Variants in NBEAL1 observed in about 807,000 individuals in gnomAD.
NBEAL1 encodes neurobeachin like 1, also known as neurobeachin-like protein 1.
NBEAL1 carries 273 observed loss-of-function variants against 351.3 expected under a neutral mutation model. The observed-to-expected ratio is 0.78, with a 90% CI of 0.70 to 0.86. The LOEUF (loss-of-function observed/expected upper bound fraction) is 0.86, where lower values mean the gene tolerates loss of function less well. Ranked by LOEUF, NBEAL1 falls within the 40% of genes least tolerant of loss-of-function variation. NBEAL1 has a pLI of 0.00. For synonymous variants in NBEAL1, 1,050 were observed against 1,086.4 expected, an observed-to-expected ratio of 0.97 and a Z score of 0.66; for missense variants, 2,961 against 3,201.3, an observed-to-expected ratio of 0.92 and a Z score of 1.81.
rs574555729 is a variant in NBEAL1, at chr2:203,168,664, G to A, written c.5998-1083G>A. ...TAGTCCTAGCACTTTGGGAGGCCAA[G>A]GTGGCTGGATCACGAGGTCAAGAGT... On this transcript the variant is annotated intron_variant, in intron 38 of 55. Transcript: ENST00000683969. Among the ~76,000 whole-genome samples the A allele has an allele frequency of 8.5e-5, 13 of 152,198 alleles. 1 individual carries two copies. In the South Asian group the frequency reaches 2.7e-3, roughly 32 times the overall value.
chr2:203,016,072 AAGATACATCTTT>A (rs1295999207), intron 1 of NBEAL1, 72 bp from the exon 2 acceptor site: 1 of 214,710 alleles, frequency 4.7e-6, no homozygotes, highest in Non-Finnish European at 9.1e-6. Flanking sequence ...GGAAGTGAAG[AAGATACATCTTT>A]AGTTTTTGAT....
chr2:203,131,427 G>T (rs2063069800), intron 25 of NBEAL1, among the ~76,000 whole-genome samples: 1 of 152,114 alleles, frequency 6.6e-6, no homozygotes, highest in African/African-American at 2.4e-5. Context: ...TGTTGGCCAG[G>T]CTGGTCTCGA....
At chr2:203,034,889 T>C (rs996715067) in intron 2 of NBEAL1, among the ~76,000 whole-genome samples, 2 of 149,268 alleles carry the variant, frequency 1.3e-5, no homozygotes, top group Non-Finnish European at 3.0e-5. Context: ...TATTAGAAAA[T>C]ATAAATATAA....
intron 42 of NBEAL1, among the ~76,000 whole-genome samples, chr2:203,178,010 C>T (rs1188821691): frequency 1.5e-5 from 2 of 133,212 alleles, no homozygotes; most frequent in Non-Finnish European, 3.3e-5. Context: ...CAGAGCAATA[C>T]TCCATCTCAA....
chr2:203,065,150 G>T (rs1366466504), intron 6 of NBEAL1, among the ~76,000 whole-genome samples: 1 of 151,986 alleles, frequency 6.6e-6, no homozygotes, highest in Admixed American at 6.6e-5. Flanking sequence ...TCCTAGCTTT[G>T]CAGGAGGCTG....
intron 31 of NBEAL1, among the ~76,000 whole-genome samples, chr2:203,141,299 A>T: frequency 7.0e-6 from 1 of 143,084 alleles, no homozygotes; most frequent in Non-Finnish European, 1.5e-5. Context: ...ATTCCATAAT[A>T]GGGGCTTTAT....
chr2:203,115,671 C>T (rs766337887), intron 17 of NBEAL1, among the ~76,000 whole-genome samples: 2 of 152,100 alleles, frequency 1.3e-5, no homozygotes, highest in African/African-American at 4.8e-5. Flanking sequence ...CTCAAGTGAT[C>T]CACCTGCTTC....
Position 203,136,745 on chromosome 2 carries a change from A to G in NBEAL1, c.4536A>G (p.Leu1512=). 1 of 1,612,846 alleles carries G rather than the reference A, an allele frequency of 6.2e-7. No individual in the cohort carries two copies. Among genetic ancestry groups the G allele is most frequent in the Non-Finnish European group, 8.5e-7 (1 of 1,179,632 alleles). ...GTAAACCAGGAATATCCAGTGAACT[A>G]CTTCGACCATCAGATGAAATAAAAC... ...ALSKPGISSE[L]LRPSDEIKLT... The change falls in exon 29 of 56, where the codon CTA becomes CTG. Residue 1512 remains leucine (L), a synonymous_variant. Transcript: ENST00000683969.
Position 203,211,014 on chromosome 2 carries a change from C to G in NBEAL1, c.7842C>G (p.Ile2614Met), listed in dbSNP as rs749376383. The change falls in exon 54 of 56, where the codon ATC becomes ATG. Residue 2614 changes from isoleucine to methionine, a missense_variant. Coordinates refer to ENST00000683969, the MANE Select transcript of NBEAL1 (RefSeq NM_001378026.1). The stretch of plus-strand genomic sequence containing the variant: ...ATGGCAAGTATCTAGGGTCTCAAAT[C>G]CTGAAGGAACAAGTATCAGATATAT... ...SINGKYLGSQ[I>M]LKEQVSDICI... The G allele has an allele frequency of 6.2e-7, 1 of 1,605,002 alleles. No individual in the cohort carries two copies. The highest frequency in any genetic ancestry group is 8.5e-7 in the Non-Finnish European group (1 of 1,174,128).
At chr2:203,129,271 T>TA (rs989203532) in intron 24 of NBEAL1, among the ~76,000 whole-genome samples, 18 of 151,890 alleles carry the variant, frequency 1.2e-4, no homozygotes, top group Admixed American at 5.3e-4. Flanking sequence ...ACCCAAATGT[T>TA]AAAAAAAAGC....
chr2:203,184,220 C>T (rs1559046155), intron 44 of NBEAL1, among the ~76,000 whole-genome samples: 1 of 151,622 alleles, frequency 6.6e-6, no homozygotes, highest in Non-Finnish European at 1.5e-5. Context: ...CACCTGAGGT[C>T]AGGAATTTGC....
chr2:203,033,340 T>C (rs772680175), intron 2 of NBEAL1, among the ~76,000 whole-genome samples: 83 of 152,220 alleles, frequency 5.5e-4, no homozygotes, highest in Non-Finnish European at 9.4e-4. Context: ...AAATTTATTG[T>C]ATGTATTTTC....
chr2:203,166,755 A>C (rs1325481941), intron 37 of NBEAL1, among the ~76,000 whole-genome samples: 1 of 150,948 alleles, frequency 6.6e-6, no homozygotes, highest in Non-Finnish European at 1.5e-5. Context: ...GGGTTTCTTC[A>C]TGTTGGTCAG....
At chr2:203,018,289 T>G (rs557147648) in intron 2 of NBEAL1, among the ~76,000 whole-genome samples, 1 of 152,032 alleles carries the variant, frequency 6.6e-6, no homozygotes, top group East Asian at 1.9e-4. Context: ...TTTTCACACT[T>G]TTAATGAGCT....
chr2:203,125,201 A>G (rs2062911444), intron 19 of NBEAL1, 151 bp from the exon 20 acceptor site: 1 of 489,824 alleles, frequency 2.0e-6, no homozygotes, highest in Non-Finnish European at 3.4e-6. Flanking sequence ...CCTGTAAAGC[A>G]TCTTCCTACA....
rs187553576 is a variant in NBEAL1, at chr2:203,148,687, T to C, written c.5305-304T>C. ...ATTTTACTTGACAGTAAGTAGGAGG[T>C]TAATTATCTTGAGTTTAAAAGTTCT... On this transcript the variant is annotated intron_variant, in intron 33 of 55. Transcript: ENST00000683969. Among the ~76,000 whole-genome samples, 8 of 152,042 alleles carry C rather than the reference T, an allele frequency of 5.3e-5. No homozygotes were observed. In the East Asian group the frequency reaches 1.4e-3, roughly 26 times the overall value.
intron 10 of NBEAL1, among the ~76,000 whole-genome samples, chr2:203,092,699 C>T (rs1247797449): frequency 6.6e-6 from 1 of 152,160 alleles, no homozygotes; most frequent in African/African-American, 2.4e-5. Flanking sequence ...GTATTCTTTT[C>T]ATTGATTTCC....
intron 44 of NBEAL1, among the ~76,000 whole-genome samples, chr2:203,185,348 A>G (rs2064863344): frequency 6.6e-6 from 1 of 152,214 alleles, no homozygotes. Flanking sequence ...TTACTGAGTA[A>G]CAAACTGTTC....
At chr2:203,137,222 T>A (rs1200644707) in intron 29 of NBEAL1, among the ~76,000 whole-genome samples, 2 of 152,210 alleles carry the variant, frequency 1.3e-5, no homozygotes, top group African/African-American at 4.8e-5. Flanking sequence ...CCAGGATGGC[T>A]TTGAATGTGG....
Sources: gnomAD v4.1 joint callset for allele counts (sites outside exome capture counted in the v4.1 genomes callset) on GRCh38, gnomAD v4.1.1 for gene constraint, MANE v1.5 for transcripts, NCBI Gene and HGNC (gene_info 2026-07-23, HGNC 2026-07-21) for gene names.